CDH18: variants seen among roughly 807,000 people sequenced by gnomAD.
CDH18 encodes the protein cadherin-18.
Under a neutral mutation model 67.9 loss-of-function variants are expected in CDH18, and 31 were observed. That is an observed-to-expected ratio of 0.46 (90% CI 0.34 to 0.62). CDH18 has a LOEUF of 0.62. Ranked by LOEUF, CDH18 falls within the 20% of genes least tolerant of loss-of-function variation. The probability of loss-of-function intolerance (pLI) is 0.01; values close to 1 mark genes in which losing one functional copy is unlikely to be tolerated. For synonymous variants in CDH18, 362 were observed against 347.2 expected (o/e 1.04, Z -0.48); for missense variants, 890 against 975.5 (o/e 0.91, Z 1.17).
At chr5:19,742,592 G>A (rs919222907) in intron 4 of CDH18, among the ~76,000 whole-genome samples, 2 of 151,978 alleles carry the variant, frequency 1.3e-5, no homozygotes, top group South Asian at 2.1e-4. Flanking sequence ...CCAAGTCTAC[G>A]GTTCCCCTAT....
At chr5:20,394,060 T>G (rs540510442) in intron 1 of CDH18, among the ~76,000 whole-genome samples, 4 of 152,056 alleles carry the variant, frequency 2.6e-5, no homozygotes, top group South Asian at 4.1e-4. Context: ...GAGAAAATAA[T>G]CCTAAAATTA....
chr5:20,559,439 A>T (rs1651458), intron 1 of CDH18, among the ~76,000 whole-genome samples: 108,976 of 151,300 alleles, frequency 0.72, 39,535 homozygotes, highest in East Asian at 0.98. Flanking sequence ...AGAGCAATGG[A>T]TATTATATCA....
At chr5:20,210,066 A>C (rs1489132923) in intron 2 of CDH18, among the ~76,000 whole-genome samples, 2 of 151,552 alleles carry the variant, frequency 1.3e-5, no homozygotes, top group Non-Finnish European at 3.0e-5. Flanking sequence ...ATTATTTTTT[A>C]ACTTTTAAAA....
At chr5:19,565,815 A>G (rs1371021895) in intron 8 of CDH18, among the ~76,000 whole-genome samples, 1 of 152,238 alleles carries the variant, frequency 6.6e-6, no homozygotes, top group East Asian at 1.9e-4. Flanking sequence ...CTGAACAAAG[A>G]TTTCTTGAGT....
chr5:19,772,278 T>G (rs1285289052), intron 3 of CDH18, among the ~76,000 whole-genome samples: 2 of 152,146 alleles, frequency 1.3e-5, no homozygotes, highest in Non-Finnish European at 2.9e-5. Flanking sequence ...AGAATAGGCT[T>G]TGCTGATGTG....
chr5:19,695,328 C>T (rs959469214), intron 5 of CDH18, among the ~76,000 whole-genome samples: 1 of 152,054 alleles, frequency 6.6e-6, no homozygotes, highest in Admixed American at 6.6e-5. Context: ...TGTTTCTTTG[C>T]TACAAAGGAT....
At chr5:20,276,881 T>A (rs1167355595) in intron 1 of CDH18, among the ~76,000 whole-genome samples, 1 of 152,076 alleles carries the variant, frequency 6.6e-6, no homozygotes, top group Non-Finnish European at 1.5e-5. Flanking sequence ...AGCCAGGCAG[T>A]ACTGGCCACA....
chr5:19,501,611 C>A (rs1375242873), intron 11 of CDH18, among the ~76,000 whole-genome samples: 4 of 151,630 alleles, frequency 2.6e-5, no homozygotes, highest in Admixed American at 6.6e-5. Context: ...GGTTAAACTG[C>A]TTGAATTGAA....
intron 2 of CDH18, among the ~76,000 whole-genome samples, chr5:20,204,828 T>G (rs1739753141): frequency 6.6e-6 from 1 of 151,942 alleles, no homozygotes; most frequent in Admixed American, 6.6e-5. Flanking sequence ...CTTTTCTTTG[T>G]GATCTAGGTC....
intron 3 of CDH18, among the ~76,000 whole-genome samples, chr5:19,750,626 AG>A (rs1351492710): frequency 1.3e-5 from 2 of 152,250 alleles, no homozygotes; most frequent in East Asian, 3.9e-4. Context: ...GTAGTGACTC[AG>A]TAACCAGTTA....
chr5:20,086,822 A>C (rs1213018339), intron 2 of CDH18, among the ~76,000 whole-genome samples: 2 of 152,194 alleles, frequency 1.3e-5, no homozygotes, highest in Non-Finnish European at 2.9e-5. Context: ...CAAGAGCTTT[A>C]ATGGAGATGT....
At chr5:19,954,265 G>C (rs992039331) in intron 2 of CDH18, among the ~76,000 whole-genome samples, 2 of 151,990 alleles carry the variant, frequency 1.3e-5, no homozygotes, top group Non-Finnish European at 2.9e-5. Context: ...TTTAGGAAAA[G>C]AACAGGTGAA....
At chr5:20,573,082 A>T (rs931792599) in intron 1 of CDH18, among the ~76,000 whole-genome samples, 3 of 152,074 alleles carry the variant, frequency 2.0e-5, no homozygotes, top group Non-Finnish European at 4.4e-5. Context: ...ATCATTGACC[A>T]TTTCCTGTTA....
intron 1 of CDH18, among the ~76,000 whole-genome samples, chr5:20,522,174 C>T (rs1027391071): frequency 6.6e-6 from 1 of 151,938 alleles, no homozygotes; most frequent in African/African-American, 2.4e-5. Flanking sequence ...CAGCTGCAAG[C>T]CAAGAGGGAT....
At chr5:19,935,604 A>G (rs1794162114) in intron 2 of CDH18, among the ~76,000 whole-genome samples, 1 of 151,292 alleles carries the variant, frequency 6.6e-6, no homozygotes, top group South Asian at 2.1e-4. Context: ...GTTTAAGCAC[A>G]TTCTGTGATG....
chr5:19,494,471 T>C (rs960409209), intron 11 of CDH18, among the ~76,000 whole-genome samples: 3 of 152,186 alleles, frequency 2.0e-5, no homozygotes, highest in African/African-American at 7.2e-5. Context: ...AGAGTCTAAC[T>C]CCGAAACATT....
chr5:19,525,465 C>G (rs1452020681), intron 9 of CDH18, among the ~76,000 whole-genome samples: 1 of 152,204 alleles, frequency 6.6e-6, no homozygotes, highest in African/African-American at 2.4e-5. Context: ...AGAATTTAAT[C>G]TTACCTTATT....
At chr5:19,830,763 T>C (rs1159603329) in intron 3 of CDH18, among the ~76,000 whole-genome samples, 2 of 152,066 alleles carry the variant, frequency 1.3e-5, no homozygotes, top group Non-Finnish European at 2.9e-5. Context: ...CCATTAACAA[T>C]AGCAAAGTTA....
At chr5:19,701,578 A>T (rs912731303) in intron 5 of CDH18, among the ~76,000 whole-genome samples, 4 of 152,128 alleles carry the variant, frequency 2.6e-5, no homozygotes, top group African/African-American at 9.7e-5. Context: ...ATTTAGAAAA[A>T]GTCTGGTTCC....
Sources: allele counts gnomAD v4.1 joint callset (sites outside exome capture counted in the v4.1 genomes callset), GRCh38; gene constraint gnomAD v4.1.1; transcripts MANE v1.5; gene names NCBI Gene and HGNC (gene_info 2026-07-23, HGNC 2026-07-21).